The following OR51D1 variants were observed in gnomAD, a reference collection of about 807,000 sequenced individuals.
The protein encoded by OR51D1 is olfactory receptor family 51 subfamily D member 1, also known as olfactory receptor 51D1.
For synonymous variants in OR51D1, 187 were observed against 161.1 expected (o/e 1.16, Z -1.22); for missense variants, 452 against 396.2 (o/e 1.14, Z -1.20).
In OR51D1 at chr11:4,640,983, G is replaced by A; in HGVS notation, c.*218G>A. The A allele has an allele frequency of 2.1e-6, 1 of 484,530 alleles. No individual in the cohort carries two copies. Among genetic ancestry groups the A allele is most frequent in the Non-Finnish European group, 3.7e-6 (1 of 273,552 alleles). The allele number at this position is 484,530 out of a possible 1,614,324, so 30.0% of individuals were successfully genotyped here. A position where few individuals can be genotyped will look rare whatever the true frequency, so the allele number is the denominator to read the frequency against. ...ACTGCACTAGTCCCTCTGCTATGGT[G>A]GTCTTGCCTTCTCCTTCTCTCTCAG... On this transcript the variant is annotated 3_prime_UTR_variant, in exon 2 of 2. Transcript: ENST00000641817.
chr11:4,638,774 C>T (rs189975349), intron 1 of OR51D1, among the ~76,000 whole-genome samples: 3 of 138,272 alleles, frequency 2.2e-5, no homozygotes, highest in East Asian at 1.9e-4. Context: ...AGGGGCTTAT[C>T]GTTTTTTGTT....
intron 1 of OR51D1, among the ~76,000 whole-genome samples, chr11:4,638,735 T>C (rs1271881364): frequency 1.3e-5 from 2 of 152,220 alleles, no homozygotes; most frequent in East Asian, 3.8e-4. Context: ...CAAAGTTCTC[T>C]GATTTAAAGC....
rs181653002 is a variant in OR51D1 at position 4,641,475 on chromosome 11, T to G, written c.*710T>G. On this transcript the variant is annotated 3_prime_UTR_variant, in exon 2 of 2. Coordinates refer to ENST00000641817, the MANE Select transcript of OR51D1 (RefSeq NM_001004751.3). ...GGAATACGTACTGGTTGTGTCCTGGTGAGTGTGGTAGCTATGTCCTGGCAC... is the reference window on the plus strand; with the variant it reads ...GGAATACGTACTGGTTGTGTCCTGGGGAGTGTGGTAGCTATGTCCTGGCAC... 1.3e-5 allele frequency: 2 copies of G among 152,686 alleles called. No individual in the cohort carries two copies. The highest frequency in any genetic ancestry group is 3.9e-4 in the East Asian group (2 of 5,190). 9.5% of individuals were successfully genotyped at this position (152,686 alleles called of 1,614,324 possible). A position where few individuals can be genotyped will look rare whatever the true frequency, so the allele number is the denominator to read the frequency against.
Position 4,641,667 on chromosome 11 carries a change from T to C in OR51D1, c.*902T>C, listed in dbSNP as rs1304517366. 6.6e-6 allele frequency: 1 copy of C among 152,480 alleles called. No individual in the cohort carries two copies. The highest frequency in any genetic ancestry group is 2.4e-5 in the African/African-American group (1 of 41,442). 9.4% of individuals were successfully genotyped at this position (152,480 alleles called of 1,614,324 possible). On this transcript the variant is annotated 3_prime_UTR_variant, in exon 2 of 2. Coordinates refer to ENST00000641817, the MANE Select transcript of OR51D1 (RefSeq NM_001004751.3). ...GAATGCTGCCTCTACCTTTTCTTCC[T>C]ATTTGTACTATGTGAATGTGGTGCA...
Position 4,641,620 on chromosome 11 carries a change from T to C in OR51D1, c.*855T>C, listed in dbSNP as rs1249991895. ...GTGTCTGTATCTGCATGGTGGGCAGTACCTTTATGTGTATCTGGTAAGAAT... is the reference window on the plus strand; with the variant it reads ...GTGTCTGTATCTGCATGGTGGGCAGCACCTTTATGTGTATCTGGTAAGAAT... On this transcript the variant is annotated 3_prime_UTR_variant, in exon 2 of 2. Coordinates refer to ENST00000641817, the MANE Select transcript of OR51D1 (RefSeq NM_001004751.3). The C allele has an allele frequency of 1.3e-5, 2 of 152,596 alleles. No individual in the cohort carries two copies. Among genetic ancestry groups the C allele is most frequent in the Admixed American group, 6.5e-5 (1 of 15,310 alleles). The allele number at this position is 152,596 out of a possible 1,614,324, so 9.5% of individuals were successfully genotyped here.
Position 4,640,597 on chromosome 11 carries a change from T to A in OR51D1, c.807T>A (p.Ile269=), listed in dbSNP as rs756475331. Residue 269 remains isoleucine, a synonymous_variant, in exon 2 of 2, where the codon ATT becomes ATA. Transcript: ENST00000641817. ...TTCTGGTCTTCTATGTACCCCTCAT[T>A]GGGCTCTCGGTGGTGCATAGGCTGG... The part of the protein sequence containing the change: ...CAVLVFYVPL[I]GLSVVHRLGG... The A allele has an allele frequency of 3.7e-6, 6 of 1,613,422 alleles. No individual in the cohort carries two copies. In the East Asian group the frequency reaches 1.1e-4, roughly 30 times the overall value.
chr11:4,639,008 G>A (rs1046531058), intron 1 of OR51D1, among the ~76,000 whole-genome samples: 2 of 152,116 alleles, frequency 1.3e-5, no homozygotes, highest in African/African-American at 2.4e-5. Flanking sequence ...GGCCTGGCTG[G>A]TCTCGAACCC....
In OR51D1 at chr11:4,640,554, T is replaced by C; in HGVS notation, c.764T>C (p.Ile255Thr). Reference sequence around the variant, plus strand: ...GCACTCAAGGCTTTCAACACCTGCATCTCCCACCTCTGTGCTGTTCTGGTC... The same window carrying C: ...GCACTCAAGGCTTTCAACACCTGCACCTCCCACCTCTGTGCTGTTCTGGTC... ...RAALKAFNTC[I>T]SHLCAVLVFY... Residue 255 changes from isoleucine to threonine, a missense_variant, in exon 2 of 2, where the codon ATC (isoleucine) becomes ACC (threonine). Transcript: ENST00000641817. 2 of 1,613,810 alleles carry C rather than the reference T, an allele frequency of 1.2e-6. No homozygotes were observed. The highest frequency in any genetic ancestry group is 2.2e-5 in the South Asian group (2 of 91,052).
chr11:4,640,423 T>C lies in OR51D1; in HGVS notation c.633T>C (p.Tyr211=). Residue 211 remains tyrosine (Y), a synonymous_variant, in exon 2 of 2, where the codon TAT becomes TAC. Transcript: ENST00000641817. ...SCTDTRVNVV[Y]GLFIILSVMG... ...CTGACACCAGGGTCAATGTGGTTTA[T>C]GGACTCTTCATCATCCTCTCAGTCA... 6.2e-7 allele frequency: 1 copy of C among 1,614,226 alleles called. No homozygotes were observed. Among genetic ancestry groups the C allele is most frequent in the East Asian group, 2.2e-5 (1 of 44,882 alleles).
In OR51D1 at chr11:4,642,989, G is replaced by A. The variant is rs1188097292; in HGVS notation, c.*2224G>A. On this transcript the variant is annotated 3_prime_UTR_variant, in exon 2 of 2. Transcript: ENST00000641817. ...GATCTATTTAACATAGCTTGATTTA[G>A]CGTGTCCTGTGTTCTGAATTTAAAA... The A allele has an allele frequency of 1.3e-5, 2 of 152,194 alleles. No individual in the cohort carries two copies. Among genetic ancestry groups the A allele is most frequent in the African/African-American group, 4.8e-5 (2 of 41,430 alleles). The allele number at this position is 152,194 out of a possible 1,614,324, so 9.4% of individuals were successfully genotyped here. A position where few individuals can be genotyped will look rare whatever the true frequency, so the allele number is the denominator to read the frequency against.
At position 4,640,745 on chromosome 11, in the gene OR51D1, T is replaced by A; in HGVS notation, c.955T>A (p.Phe319Ile). 6.2e-7 allele frequency: 1 copy of A among 1,611,642 alleles called. No homozygotes were observed. Among genetic ancestry groups the A allele is most frequent in the South Asian group, 1.1e-5 (1 of 90,922 alleles). The change falls in exon 2 of 2, where the codon TTC (phenylalanine) becomes ATC (isoleucine). Residue 319 changes from phenylalanine to isoleucine, a missense_variant. Physicochemically the swap from Phe to Ile is conservative, Grantham distance 21. Transcript: ENST00000641817. ...GATCTGTTCAAGGGTCCTCTGTATG[T>A]TCTCACAAGGTGGCAAGTGAGACAC... Reference protein sequence around the residue: ...KEICSRVLCMFSQGGK With the variant: ...KEICSRVLCMISQGGK
intron 1 of OR51D1, among the ~76,000 whole-genome samples, chr11:4,638,178 G>T (rs1846920387): frequency 6.6e-6 from 1 of 152,152 alleles, no homozygotes; most frequent in South Asian, 2.1e-4. Context: ...TGGAAAAGTT[G>T]AATTGCATGT....
rs1379543676 is a variant in OR51D1 at position 4,642,565 on chromosome 11, A to AG, written c.*1800_*1801insG. 6.6e-6 allele frequency: 1 copy of AG among 152,004 alleles called. No homozygotes were observed. The highest frequency in any genetic ancestry group is 2.4e-5 in the African/African-American group (1 of 41,220). 9.4% of individuals were successfully genotyped at this position (152,004 alleles called of 1,614,324 possible). On this transcript the variant is annotated 3_prime_UTR_variant, in exon 2 of 2. Transcript: ENST00000641817. ...GAGCAAGACTCTGTGTCAAAAAAAAAAAAAAAAAAAAAGCCTTGGTTGTAG... is the reference window on the plus strand; with the variant it reads ...GAGCAAGACTCTGTGTCAAAAAAAAAGAAAAAAAAAAAAGCCTTGGTTGTAG...
rs778259019 is a variant in OR51D1 at position 4,640,415 on chromosome 11, G to A, written c.625G>A (p.Val209Met). 1 of 1,614,208 alleles carries A rather than the reference G, an allele frequency of 6.2e-7. No individual in the cohort carries two copies. The highest frequency in any genetic ancestry group is 1.7e-5 in the Admixed American group (1 of 60,032). ...GTCCTGTACTGACACCAGGGTCAAT[G>A]TGGTTTATGGACTCTTCATCATCCT... Reference protein sequence around the residue: ...KLSCTDTRVNVVYGLFIILSV... With the variant: ...KLSCTDTRVNMVYGLFIILSV... The change falls in exon 2 of 2, where the codon GTG becomes ATG. Residue 209 changes from valine (V) to methionine (M), a missense_variant. Transcript: ENST00000641817.
chr11:4,638,389 C>G (rs747701760), intron 1 of OR51D1, among the ~76,000 whole-genome samples: 1 of 152,148 alleles, frequency 6.6e-6, no homozygotes, highest in Admixed American at 6.5e-5. Context: ...TCTCAGGACA[C>G]AGGCTTAGAA....
chr11:4,640,916 C>T lies in OR51D1; in HGVS notation c.*151C>T, dbSNP rs1174318453. ...ATGTATTCTGTCTCCAGGAATGTGT[C>T]AGTACTGAACTTATGACCCTGTCTG... On this transcript the variant is annotated 3_prime_UTR_variant, in exon 2 of 2. Transcript: ENST00000641817. 1.4e-6 allele frequency: 1 copy of T among 692,590 alleles called. No individual in the cohort carries two copies. Among genetic ancestry groups the T allele is most frequent in the East Asian group, 2.7e-5 (1 of 36,624 alleles). 42.9% of individuals were successfully genotyped at this position (692,590 alleles called of 1,614,324 possible).
chr11:4,639,173 A>T (rs777158727), intron 1 of OR51D1, among the ~76,000 whole-genome samples: 99 of 152,102 alleles, frequency 6.5e-4, no homozygotes, highest in Admixed American at 1.8e-3. Flanking sequence ...ACCTGGAGGG[A>T]TGGTGTTGTC....
In OR51D1 at chr11:4,640,855, T is replaced by C; in HGVS notation, c.*90T>C. 1 of 1,242,258 alleles carries C rather than the reference T, an allele frequency of 8.0e-7. No homozygotes were observed. The highest frequency in any genetic ancestry group is 1.1e-6 in the Non-Finnish European group (1 of 892,766). The allele number at this position is 1,242,258 out of a possible 1,614,324, so 77.0% of individuals were successfully genotyped here. A position where few individuals can be genotyped will look rare whatever the true frequency, so the allele number is the denominator to read the frequency against. On this transcript the variant is annotated 3_prime_UTR_variant, in exon 2 of 2. Coordinates refer to ENST00000641817, the MANE Select transcript of OR51D1 (RefSeq NM_001004751.3). ...GCCTTGGTGATTAAAGTATCAAACC[T>C]ATTGTGCTGTCTTCTTCCAGCAATT...
Position 4,642,556 on chromosome 11 carries a change from C to CAAA in OR51D1, c.*1810_*1812dup, listed in dbSNP as rs34699024. On this transcript the variant is annotated 3_prime_UTR_variant, in exon 2 of 2. Coordinates refer to ENST00000641817, the MANE Select transcript of OR51D1 (RefSeq NM_001004751.3). ...CTGGTGACAGAGCAAGACTCTGTGT[C>CAAA]AAAAAAAAAAAAAAAAAAAAAGCCT... 0.23 allele frequency: 17,413 copies of CAAA among 75,876 alleles called. 3,145 individuals are homozygous for CAAA. The highest frequency in any genetic ancestry group is 0.44 in the East Asian group (985 of 2,230). The allele number at this position is 75,876 out of a possible 1,614,324, so 4.7% of individuals were successfully genotyped here. A position where few individuals can be genotyped will look rare whatever the true frequency, so the allele number is the denominator to read the frequency against.
Sources: allele counts gnomAD v4.1 joint callset (sites outside exome capture counted in the v4.1 genomes callset), GRCh38; gene constraint gnomAD v4.1.1; transcripts MANE v1.5; gene names NCBI Gene and HGNC (gene_info 2026-07-23, HGNC 2026-07-21).